Variants in SLC15A4 observed in about 807,000 individuals in gnomAD.
SLC15A4 encodes the protein hPHT1.
A neutral mutation model predicts 46.1 loss-of-function variants in SLC15A4; 26 were observed. The observed-to-expected ratio is 0.56, with a 90% confidence interval of 0.41 to 0.78. The LOEUF (loss-of-function observed/expected upper bound fraction) is 0.78. SLC15A4 is among the 30% of genes least tolerant of loss of function. The pLI is 0.00. For missense variants in SLC15A4, 751 were observed against 755.7 expected (o/e 0.99, Z 0.07); for synonymous variants, 370 against 333.4 (o/e 1.11, Z -1.20).
intron 1 of SLC15A4, among the ~76,000 whole-genome samples, chr12:128,821,645 T>G (rs1198632408): frequency 6.6e-6 from 1 of 152,158 alleles, no homozygotes; most frequent in Admixed American, 6.5e-5. Context: ...CCCAGCACTT[T>G]GGGAGGCCGA....
intron 7 of SLC15A4, 97 bp downstream of exon 7, chr12:128,799,162 C>T: frequency 7.2e-7 from 1 of 1,381,692 alleles, no homozygotes; most frequent in Non-Finnish European, 1.0e-6. Context: ...GACAGGCCAT[C>T]CACGTGAAAA....
intron 1 of SLC15A4, among the ~76,000 whole-genome samples, chr12:128,821,899 AAAAG>A (rs1031175462): frequency 2.7e-5 from 3 of 110,334 alleles, no homozygotes; most frequent in East Asian, 6.2e-4. Flanking sequence ...AAAAAAAAAA[AAAAG>A]AAAGAAAGAA....
At chr12:128,810,810 GT>G (rs1490550493) in intron 2 of SLC15A4, among the ~76,000 whole-genome samples, 1 of 152,168 alleles carries the variant, frequency 6.6e-6, no homozygotes, top group African/African-American at 2.4e-5. Context: ...ACCATGTGGT[GT>G]TAAAACTCTT....
intron 7 of SLC15A4, 64 bp from the exon 8 acceptor site, chr12:128,794,420 T>C: frequency 6.7e-7 from 1 of 1,491,828 alleles, no homozygotes; most frequent in African/African-American, 1.4e-5. Flanking sequence ...TTCAAGACTT[T>C]ACTATTTAAT....
Position 128,809,468 on chromosome 12 carries a change from C to T in SLC15A4, c.1017G>A (p.Gln339=), listed in dbSNP as rs1955627562. 1 of 1,603,032 alleles carries T rather than the reference C, an allele frequency of 6.2e-7. No homozygotes were observed. The highest frequency in any genetic ancestry group is 1.1e-5 in the South Asian group (1 of 89,424). The stretch of plus-strand genomic sequence containing the variant: ...GAAGACTCTGTAAAACATATGTTGT[C>T]TGCATCTAGGTATAAAAAACAGTAT... ...IPYWTVYFQM[Q]TTYVLQSLHL... The change falls in exon 4 of 8, where the codon CAG becomes CAA. Residue 339 remains glutamine (Q), a synonymous_variant. Coordinates refer to ENST00000266771, the MANE Select transcript of SLC15A4 (RefSeq NM_145648.4).
chr12:128,807,471 C>G (rs1955603449), intron 5 of SLC15A4, among the ~76,000 whole-genome samples: 1 of 152,230 alleles, frequency 6.6e-6, no homozygotes, highest in Admixed American at 6.5e-5. Flanking sequence ...GACTCCCTTC[C>G]TTGGCATCAA....
At chr12:128,822,994 A>T (rs1955871238) in intron 1 of SLC15A4, among the ~76,000 whole-genome samples, 1 of 151,902 alleles carries the variant, frequency 6.6e-6, no homozygotes, top group Admixed American at 6.6e-5. Flanking sequence ...GTGCGCCTCC[A>T]CGGAGGGCAA....
At chr12:128,795,449 C>T (rs769281016) in intron 7 of SLC15A4, among the ~76,000 whole-genome samples, 40 of 152,178 alleles carry the variant, frequency 2.6e-4, no homozygotes, top group Non-Finnish European at 7.3e-5. Context: ...CCATGCAGCT[C>T]AAGCTATAAG....
Position 128,823,402 on chromosome 12 carries a change from T to C in SLC15A4, c.542A>G (p.Asp181Gly). 1 of 1,432,268 alleles carries C rather than the reference T, an allele frequency of 7.0e-7. No homozygotes were observed. Among genetic ancestry groups the C allele is most frequent in the Non-Finnish European group, 9.1e-7 (1 of 1,099,590 alleles). 88.7% of individuals were successfully genotyped at this position (1,432,268 alleles called of 1,614,324 possible). A position where few individuals can be genotyped will look rare whatever the true frequency, so the allele number is the denominator to read the frequency against. Residue 181 changes from aspartate to glycine, a missense_variant, in exon 1 of 8, where the codon GAC (aspartate) becomes GGC (glycine). Transcript: ENST00000266771. ...GCGCGCGGGGGCGCGGCTCACCTGG[T>C]CGGCGCCGAAGGGCGTGATGTTGGC... ...VKANITPFGA[D>G]QVKDRGPEAT...
At chr12:128,817,505 C>T (rs1189955032) in intron 1 of SLC15A4, among the ~76,000 whole-genome samples, 2 of 152,190 alleles carry the variant, frequency 1.3e-5, no homozygotes. Flanking sequence ...CGGACCTTCC[C>T]ATTACCCACA....
At chr12:128,807,368 GA>G (rs1955602065) in intron 5 of SLC15A4, among the ~76,000 whole-genome samples, 1 of 152,244 alleles carries the variant, frequency 6.6e-6, no homozygotes, top group South Asian at 2.1e-4. Flanking sequence ...GAAACTGAAA[GA>G]GAGGATGTTA....
chr12:128,800,256 C>G (rs1408732061), intron 6 of SLC15A4, among the ~76,000 whole-genome samples: 1 of 152,126 alleles, frequency 6.6e-6, no homozygotes, highest in African/African-American at 2.4e-5. Context: ...GTGATTTATT[C>G]CCTTTACAAA....
At chr12:128,820,090 C>T (rs1955812760) in intron 1 of SLC15A4, among the ~76,000 whole-genome samples, 1 of 152,204 alleles carries the variant, frequency 6.6e-6, no homozygotes, top group South Asian at 2.1e-4. Flanking sequence ...TTCCAGTACA[C>T]CTGTGTGGGG....
chr12:128,802,125 C>T (rs896281199), intron 5 of SLC15A4, among the ~76,000 whole-genome samples: 42 of 152,276 alleles, frequency 2.8e-4, no homozygotes, highest in African/African-American at 9.4e-4. Flanking sequence ...CCCAATCCTT[C>T]CACTCCGCCC....
chr12:128,797,862 G>A (rs943491907), intron 7 of SLC15A4, among the ~76,000 whole-genome samples: 6 of 152,224 alleles, frequency 3.9e-5, no homozygotes, highest in African/African-American at 9.6e-5. Flanking sequence ...CCTTACTGGT[G>A]TGAACCAAGG....
In SLC15A4 at chr12:128,823,526, T is replaced by A; in HGVS notation, c.418A>T (p.Asn140Tyr). ...AALCGSARLLNCTAPGPDAAA... is the reference protein window; with the variant it reads ...AALCGSARLLYCTAPGPDAAA... ...GCGTCGGGACCAGGCGCCGTGCAGT[T>A]GAGCAGGCGCGCGGAACCGCAGAGC... is the stretch of plus-strand genomic sequence containing the variant. Residue 140 changes from asparagine to tyrosine, a missense_variant, in exon 1 of 8, where the codon AAC (asparagine) becomes TAC (tyrosine). Physicochemically the swap from Asn to Tyr is moderately radical, Grantham distance 143 (BLOSUM62 -2). Coordinates refer to ENST00000266771, the MANE Select transcript of SLC15A4 (RefSeq NM_145648.4). 1.4e-6 allele frequency: 2 copies of A among 1,470,940 alleles called. No homozygotes were observed. Among genetic ancestry groups the A allele is most frequent in the Non-Finnish European group, 8.9e-7 (1 of 1,118,800 alleles). The allele number at this position is 1,470,940 out of a possible 1,614,324, so 91.1% of individuals were successfully genotyped here.
intron 1 of SLC15A4, among the ~76,000 whole-genome samples, chr12:128,818,788 G>A (rs1450744024): frequency 2.0e-5 from 3 of 151,960 alleles, no homozygotes; most frequent in South Asian, 2.1e-4. Context: ...CTCCTGGCCC[G>A]TGGCAACCCT....
rs1188560965 is a variant in SLC15A4, at chr12:128,814,825, C to A, written c.792G>T (p.Leu264=). ...GSAFTDMFKI[L]TYSCCSQKRS... ...GCTTCTGGGAACAGCAGGAATACGTCAGTATCTTGAACATGTCGGTGAAGG... is the reference window on the plus strand; with the variant it reads ...GCTTCTGGGAACAGCAGGAATACGTAAGTATCTTGAACATGTCGGTGAAGG... Residue 264 remains leucine (L), a synonymous_variant, in exon 2 of 8, where the codon CTG becomes CTT. Coordinates refer to ENST00000266771, the MANE Select transcript of SLC15A4 (RefSeq NM_145648.4). 3 of 1,614,220 alleles carry A rather than the reference C, an allele frequency of 1.9e-6. No individual in the cohort carries two copies. The highest frequency in any genetic ancestry group is 2.5e-6 in the Non-Finnish European group (3 of 1,180,046).
At chr12:128,819,681 C>T (rs1955807884) in intron 1 of SLC15A4, 1 of 152,222 alleles carries the variant, frequency 6.6e-6, no homozygotes, top group Non-Finnish European at 1.5e-5. Flanking sequence ...CTTTCATCCA[C>T]AAGGTCCTCT....
Sources: gnomAD v4.1 joint callset for allele counts (sites outside exome capture counted in the v4.1 genomes callset) on GRCh38, gnomAD v4.1.1 for gene constraint, MANE v1.5 for transcripts, NCBI Gene and HGNC (gene_info 2026-07-23, HGNC 2026-07-21) for gene names.